GLS2: variants seen among roughly 807,000 people sequenced by gnomAD.
GLS2 encodes glutaminase liver isoform, mitochondrial.
GLS2 carries 52 observed loss-of-function variants against 79.0 expected under a neutral mutation model. The observed-to-expected ratio is 0.66, with a 90% CI of 0.53 to 0.83. GLS2 has a LOEUF of 0.83. GLS2 is among the 40% of genes least tolerant of loss of function. The probability of loss-of-function intolerance (pLI) is 0.00; values close to 1 mark genes in which losing one functional copy is unlikely to be tolerated. For missense variants in GLS2, 561 were observed against 764.8 expected (o/e 0.73, Z 3.14); for synonymous variants, 238 against 280.8 (o/e 0.85, Z 1.52).
chr12:56,483,369 G>A (rs771028594), intron 1 of GLS2, among the ~76,000 whole-genome samples: 9 of 151,916 alleles, frequency 5.9e-5, no homozygotes, highest in Admixed American at 3.9e-4. Flanking sequence ...GTGAGCCACC[G>A]CGCCCGGCCC....
chr12:56,476,038 C>A, intron 7 of GLS2, 61 bp from the exon 8 acceptor site: 1 of 1,534,888 alleles, frequency 6.5e-7, no homozygotes, highest in South Asian at 1.1e-5. Context: ...AGGGAAGGGT[C>A]AGAAGGATCT....
intron 4 of GLS2, 103 bp from the exon 5 acceptor site, chr12:56,478,365 T>C (rs926777855): frequency 8.0e-7 from 1 of 1,255,720 alleles, no homozygotes; most frequent in Non-Finnish European, 1.1e-6. Context: ...TAAAATTCTG[T>C]CTTCTATAGG....
intron 1 of GLS2, among the ~76,000 whole-genome samples, chr12:56,484,097 C>T (rs1410112735): frequency 3.9e-5 from 6 of 152,050 alleles, no homozygotes; most frequent in Non-Finnish European, 8.8e-5. Flanking sequence ...TGGTGAAACC[C>T]CATCTCTACT....
Position 56,475,294 on chromosome 12 carries a change from G to A in GLS2, c.930-184C>T, listed in dbSNP as rs550511403. 1.7e-5 allele frequency: 25 copies of A among 1,456,990 alleles called. No homozygotes were observed. In the Middle Eastern group the frequency reaches 9.0e-4, roughly 53 times the overall value. The allele number at this position is 1,456,990 out of a possible 1,614,324, so 90.3% of individuals were successfully genotyped here. On this transcript the variant is annotated intron_variant, in intron 9 of 17. Transcript: ENST00000311966. The stretch of plus-strand genomic sequence containing the variant: ...CTGAGCAAACACTCAGCATAGTTTT[G>A]TTATAAAGTAAACCCAAACCAAACA...
At chr12:56,473,943 TA>T in intron 12 of GLS2, 1 of 202,936 alleles carries the variant, frequency 4.9e-6, no homozygotes, top group Non-Finnish European at 1.0e-5. Flanking sequence ...TAGGGTGCTG[TA>T]AATAGAGGTA....
intron 12 of GLS2, 178 bp downstream of exon 12, chr12:56,474,366 T>G (rs150623447): frequency 1.4e-6 from 1 of 723,388 alleles, no homozygotes; most frequent in Non-Finnish European, 2.2e-6. Context: ...TCTCTTTATA[T>G]ATTCGAGGAA....
chr12:56,475,117 C>CA lies in GLS2; in HGVS notation c.930-8dup. On this transcript the variant is annotated splice_region_variant and splice_polypyrimidine_tract_variant and intron_variant, in intron 9 of 17. Transcript: ENST00000311966. ...TTCCTTCTCTGACTGGAATCTGAAG[C>CA]AAACACCCAATTTAGTACTTGAAGT... The CA allele has an allele frequency of 6.2e-7, 1 of 1,613,984 alleles. No homozygotes were observed. The highest frequency in any genetic ancestry group is 1.1e-5 in the South Asian group (1 of 91,084).
Position 56,478,069 on chromosome 12 carries a change from G to A in GLS2, c.642C>T (p.Pro214=). Residue 214 remains proline, a synonymous_variant, in exon 6 of 18, where the codon CCC becomes CCT. Transcript: ENST00000311966. ...GCTTCACACAGGACTGCAGGCAGAA[G>A]GGGATCTTTGTGTGGCCCACAGAGT... ...QRHSVGHTKI[P]FCLQSCVKPL... The A allele has an allele frequency of 1.2e-6, 2 of 1,614,208 alleles. No homozygotes were observed. The highest frequency in any genetic ancestry group is 1.6e-4 in the Middle Eastern group (1 of 6,062).
chr12:56,480,520 C>T (rs913225888), intron 1 of GLS2, 133 bp from the exon 2 acceptor site: 8 of 687,382 alleles, frequency 1.2e-5, no homozygotes, highest in African/African-American at 1.8e-5. Context: ...CTGATCTATC[C>T]CTATAAATCT....
At chr12:56,472,971 C>G (rs1592272715) in intron 14 of GLS2, 1 of 569,608 alleles carries the variant, frequency 1.8e-6, no homozygotes, top group Non-Finnish European at 3.1e-6. Flanking sequence ...CTCACTGCAA[C>G]CTCTGCCTCC....
At chr12:56,481,267 GCGATCTCGGCTCACTGCAAC>G (rs1870271458) in intron 1 of GLS2, among the ~76,000 whole-genome samples, 1 of 142,728 alleles carries the variant, frequency 7.0e-6, no homozygotes, top group African/African-American at 2.6e-5. Context: ...GCGCAATGGC[GCGATCTCGGCTCACTGCAAC>G]CTCCGCCTCC....
chr12:56,471,953 G>T, intron 16 of GLS2, 117 bp from the exon 17 acceptor site: 1 of 1,295,680 alleles, frequency 7.7e-7, no homozygotes. Flanking sequence ...TTCCCATTTT[G>T]TACCCTGCAG....
At chr12:56,474,780 G>T in intron 11 of GLS2, 60 bp from the exon 12 acceptor site, 2 of 1,612,804 alleles carry the variant, frequency 1.2e-6, no homozygotes, top group East Asian at 4.5e-5. Context: ...ACCCTCGGGT[G>T]TAGGGAAAGG....
chr12:56,474,940 C>G, intron 10 of GLS2, 44 bp from the exon 11 acceptor site: 1 of 1,613,958 alleles, frequency 6.2e-7, no homozygotes, highest in Non-Finnish European at 8.5e-7. Context: ...AGGACATCAG[C>G]CCTTTCACAC....
At chr12:56,480,245 A>C in intron 2 of GLS2, 43 bp downstream of exon 2, 1 of 1,537,666 alleles carries the variant, frequency 6.5e-7, no homozygotes, top group Admixed American at 1.7e-5. Flanking sequence ...CTTTTCAGAG[A>C]TCTTAAGGAA....
At chr12:56,479,690 T>G in intron 3 of GLS2, 90 bp downstream of exon 3, 1 of 1,398,628 alleles carries the variant, frequency 7.1e-7, no homozygotes, top group Non-Finnish European at 9.5e-7. Flanking sequence ...GGAATTGAAC[T>G]ATACAATTCC....
At chr12:56,473,808 C>G (rs1207398862) in intron 12 of GLS2, 4 of 571,780 alleles carry the variant, frequency 7.0e-6, no homozygotes, top group Non-Finnish European at 1.2e-5. Context: ...GAAATACTTA[C>G]AGCATTCTGT....
In GLS2 at chr12:56,475,987, AAGAG is replaced by A. The variant is rs546397240; in HGVS notation, c.838-14_838-11del. The A allele has an allele frequency of 3.7e-6, 6 of 1,612,640 alleles. No homozygotes were observed. Among genetic ancestry groups the A allele is most frequent in the African/African-American group, 1.3e-5 (1 of 75,064 alleles). ...CTTTGTTACAGTCCATCTGCAGAGA[AAGAG>A]AGAGATGTCAGCATTCTAAGTGTAG... is the stretch of plus-strand genomic sequence containing the variant. On this transcript the variant is annotated splice_polypyrimidine_tract_variant and intron_variant, in intron 7 of 17. Coordinates refer to ENST00000311966, the MANE Select transcript of GLS2 (RefSeq NM_013267.4).
intron 1 of GLS2, among the ~76,000 whole-genome samples, chr12:56,486,181 G>C (rs781216300): frequency 3.9e-5 from 6 of 152,072 alleles, no homozygotes; most frequent in Non-Finnish European, 7.4e-5. Context: ...TCACTCTCCA[G>C]TGCTCTCAAC....
Sources: allele counts gnomAD v4.1 joint callset (sites outside exome capture counted in the v4.1 genomes callset), GRCh38; gene constraint gnomAD v4.1.1; transcripts MANE v1.5; gene names NCBI Gene and HGNC (gene_info 2026-07-23, HGNC 2026-07-21).